TMEM135: variants seen among roughly 807,000 people sequenced by gnomAD.
The protein encoded by TMEM135 is transmembrane protein 135.
Under a neutral mutation model 60.3 loss-of-function variants are expected in TMEM135, and 30 were observed. The ratio of observed to expected loss-of-function variants is 0.50; its 90% CI spans 0.37 to 0.68. TMEM135 has a LOEUF of 0.68. Ranked by LOEUF, TMEM135 falls within the 30% of genes least tolerant of loss-of-function variation. The pLI is 0.00. For missense variants in TMEM135, 468 were observed against 548.8 expected (o/e 0.85, Z 1.47); for synonymous variants, 190 against 186.7 (o/e 1.02, Z -0.14).
At chr11:87,188,005 A>T (rs1006771288) in intron 5 of TMEM135, among the ~76,000 whole-genome samples, 1 of 152,202 alleles carries the variant, frequency 6.6e-6, no homozygotes, top group African/African-American at 2.4e-5. Flanking sequence ...TGTTTATGCT[A>T]CAGGATATTT....
intron 1 of TMEM135, among the ~76,000 whole-genome samples, chr11:87,064,002 G>T (rs1393390883): frequency 6.6e-6 from 1 of 152,164 alleles, no homozygotes; most frequent in Non-Finnish European, 1.5e-5. Flanking sequence ...ATTTAATTAT[G>T]TCTGGGTTAT....
At chr11:87,056,565 A>T (rs140702916) in intron 1 of TMEM135, among the ~76,000 whole-genome samples, 1 of 152,336 alleles carries the variant, frequency 6.6e-6, no homozygotes, top group Admixed American at 6.5e-5. Flanking sequence ...TTGACAGACT[A>T]ATTATTAGAC....
intron 6 of TMEM135, among the ~76,000 whole-genome samples, chr11:87,265,004 A>G (rs1565147839): frequency 6.6e-6 from 1 of 151,966 alleles, no homozygotes; most frequent in Non-Finnish European, 1.5e-5. Flanking sequence ...GGCCACAGTA[A>G]TAATAAGCTA....
intron 13 of TMEM135, 32 bp downstream of exon 13, chr11:87,318,267 A>G: frequency 4.2e-6 from 6 of 1,430,464 alleles, no homozygotes; most frequent in Non-Finnish European, 4.9e-6. Context: ...GAGAAATTGA[A>G]TGATTCCTGT....
chr11:87,191,401 C>T (rs571635364), intron 5 of TMEM135, among the ~76,000 whole-genome samples: 49 of 152,180 alleles, frequency 3.2e-4, no homozygotes, highest in African/African-American at 1.1e-3. Context: ...CCACCACGCC[C>T]GGCTAATATT....
intron 4 of TMEM135, among the ~76,000 whole-genome samples, chr11:87,134,196 T>C (rs901497405): frequency 6.6e-6 from 1 of 152,154 alleles, no homozygotes; most frequent in African/African-American, 2.4e-5. Context: ...CCTTAGCTTG[T>C]AGATGGCTGT....
intron 1 of TMEM135, among the ~76,000 whole-genome samples, chr11:87,042,358 C>A (rs1949757441): frequency 1.3e-5 from 2 of 152,164 alleles, no homozygotes; most frequent in African/African-American, 4.8e-5. Context: ...GACCTACAGT[C>A]AAACAAGGTA....
chr11:87,230,024 A>G (rs917922994), intron 5 of TMEM135, among the ~76,000 whole-genome samples: 5 of 152,028 alleles, frequency 3.3e-5, no homozygotes, highest in African/African-American at 1.2e-4. Flanking sequence ...GTGGCATCCA[A>G]CCCTGCAATC....
In TMEM135 at chr11:87,158,744, G is replaced by A. The variant is rs568742977; in HGVS notation, c.462+1338G>A. On this transcript the variant is annotated intron_variant, in intron 5 of 14. Coordinates refer to ENST00000305494, the MANE Select transcript of TMEM135 (RefSeq NM_022918.4). Reference sequence around the variant, plus strand: ...CTCCCAAAGTGCTGGGATTACAGGCGTGAGCCACCGCGCCCGGCCTAACCT... The same window carrying A: ...CTCCCAAAGTGCTGGGATTACAGGCATGAGCCACCGCGCCCGGCCTAACCT... 6.6e-5 allele frequency among the ~76,000 whole-genome samples: 10 copies of A among 152,264 alleles called. No individual in the cohort carries two copies. In the South Asian group the frequency reaches 1.9e-3, roughly 28 times the overall value.
chr11:87,107,167 A>AT (rs1235182824), intron 4 of TMEM135, among the ~76,000 whole-genome samples: 2 of 152,004 alleles, frequency 1.3e-5, no homozygotes, highest in Non-Finnish European at 2.9e-5. Context: ...CTATTTAGAT[A>AT]TTTTTTATTT....
chr11:87,239,200 G>C (rs1337340968), intron 6 of TMEM135, among the ~76,000 whole-genome samples: 1 of 151,980 alleles, frequency 6.6e-6, no homozygotes, highest in Non-Finnish European at 1.5e-5. Flanking sequence ...TTTCCAGAAG[G>C]CTCAATACAA....
chr11:87,308,244 A>G (rs1480570737), intron 9 of TMEM135, among the ~76,000 whole-genome samples: 1 of 152,186 alleles, frequency 6.6e-6, no homozygotes, highest in Non-Finnish European at 1.5e-5. Flanking sequence ...TTCTAAGTAC[A>G]TTAATGGGTG....
intron 5 of TMEM135, among the ~76,000 whole-genome samples, chr11:87,221,690 A>G (rs546699363): frequency 2.6e-5 from 4 of 152,192 alleles, no homozygotes; most frequent in Non-Finnish European, 5.9e-5. Context: ...TCTTTCTTCT[A>G]TCACTTTGGA....
At chr11:87,107,846 C>T (rs942065793) in intron 4 of TMEM135, among the ~76,000 whole-genome samples, 2 of 152,136 alleles carry the variant, frequency 1.3e-5, no homozygotes, top group African/African-American at 4.8e-5. Flanking sequence ...CACTATCTTC[C>T]ACAATGGTTG....
rs750334588 is a variant in TMEM135, at chr11:87,326,475, A to G, written c.*5142A>G. 1 of 454,106 alleles carries G rather than the reference A, an allele frequency of 2.2e-6. No individual in the cohort carries two copies. The allele number at this position is 454,106 out of a possible 1,614,324, so 28.1% of individuals were successfully genotyped here. A position where few individuals can be genotyped will look rare whatever the true frequency, so the allele number is the denominator to read the frequency against. Reference sequence around the variant, plus strand: ...TTTTCAGATTATTTTTGGTCACCTAAGAGGACCCTGAAGCTATAGTGCCAA... The same window carrying G: ...TTTTCAGATTATTTTTGGTCACCTAGGAGGACCCTGAAGCTATAGTGCCAA... On this transcript the variant is annotated 3_prime_UTR_variant, in exon 15 of 15. Transcript: ENST00000305494.
chr11:87,139,274 A>G (rs886555713), intron 4 of TMEM135, among the ~76,000 whole-genome samples: 2 of 152,176 alleles, frequency 1.3e-5, no homozygotes, highest in African/African-American at 2.4e-5. Flanking sequence ...GGGAGGAGGG[A>G]CAGGTAGTAT....
At chr11:87,261,248 G>A (rs562187286) in intron 6 of TMEM135, among the ~76,000 whole-genome samples, 66 of 152,092 alleles carry the variant, frequency 4.3e-4, no homozygotes, top group South Asian at 8.3e-4. Context: ...TCTTCTCAGC[G>A]CCAACCTCCT....
At chr11:87,154,815 T>C (rs185957571) in intron 4 of TMEM135, among the ~76,000 whole-genome samples, 1 of 152,246 alleles carries the variant, frequency 6.6e-6, no homozygotes, top group Non-Finnish European at 1.5e-5. Flanking sequence ...CAGTTTTTAA[T>C]TGGGTTGTTT....
Position 87,199,538 on chromosome 11 carries a change from G to A in TMEM135, c.463-37100G>A, listed in dbSNP as rs142085395. 6.5e-3 allele frequency among the ~76,000 whole-genome samples: 985 copies of A among 152,306 alleles called. 4 individuals are homozygous for A. Among genetic ancestry groups the A allele is most frequent in the African/African-American group, 0.018 (767 of 41,558 alleles). ...ACAGTGGTAGTATTTAAAAATTACTGAGCTTGTAGGGGATGAGGTAGATAC... is the reference window on the plus strand; with the variant it reads ...ACAGTGGTAGTATTTAAAAATTACTAAGCTTGTAGGGGATGAGGTAGATAC... On this transcript the variant is annotated intron_variant, in intron 5 of 14. Coordinates refer to ENST00000305494, the MANE Select transcript of TMEM135 (RefSeq NM_022918.4).
Sources: gnomAD v4.1 joint callset for allele counts (sites outside exome capture counted in the v4.1 genomes callset) on GRCh38, gnomAD v4.1.1 for gene constraint, MANE v1.5 for transcripts, NCBI Gene and HGNC (gene_info 2026-07-23, HGNC 2026-07-21) for gene names.